Variants in SGMS1 observed in about 807,000 individuals in gnomAD.
The protein encoded by SGMS1 is sphingomyelin synthase 1, also known as phosphatidylcholine:ceramide cholinephosphotransferase 1.
Under a neutral mutation model 46.2 loss-of-function variants are expected in SGMS1, and 13 were observed. The observed-to-expected ratio is 0.28, with a 90% confidence interval of 0.18 to 0.45. The LOEUF (loss-of-function observed/expected upper bound fraction) is 0.45. SGMS1 is among the 20% of genes least tolerant of loss of function. The pLI, the probability that SGMS1 is intolerant of heterozygous loss-of-function variation, is 1.00. For missense variants in SGMS1, 324 were observed against 519.9 expected (o/e 0.62, Z 3.66); for synonymous variants, 203 against 187.8 (o/e 1.08, Z -0.66).
At chr10:50,354,021 T>G (rs1313557287) in intron 6 of SGMS1, among the ~76,000 whole-genome samples, 1 of 151,982 alleles carries the variant, frequency 6.6e-6, no homozygotes, top group African/African-American at 2.4e-5. Flanking sequence ...CTGCCCAAGG[T>G]AATTTATAGA....
chr10:50,587,398 G>T (rs577374992), intron 2 of SGMS1, among the ~76,000 whole-genome samples: 105 of 152,332 alleles, frequency 6.9e-4, no homozygotes, highest in African/African-American at 2.5e-3. Flanking sequence ...ACTTTGGGAG[G>T]CCAAGGCGGG....
intron 3 of SGMS1, among the ~76,000 whole-genome samples, chr10:50,482,174 T>C (rs555303414): frequency 2.6e-5 from 4 of 152,148 alleles, no homozygotes; most frequent in African/African-American, 4.8e-5. Context: ...CAGAGAACAC[T>C]ACTAAGATGT....
At chr10:50,419,295 CA>C (rs1254585316) in intron 6 of SGMS1, among the ~76,000 whole-genome samples, 1 of 152,124 alleles carries the variant, frequency 6.6e-6, no homozygotes, top group Non-Finnish European at 1.5e-5. Flanking sequence ...TCCGAATCTC[CA>C]AAATTGTAAA....
intron 6 of SGMS1, among the ~76,000 whole-genome samples, chr10:50,386,364 T>G (rs1198589630): frequency 2.0e-5 from 3 of 152,190 alleles, no homozygotes; most frequent in African/African-American, 7.2e-5. Flanking sequence ...GACGGTAATT[T>G]ACAAAAGCAT....
intron 2 of SGMS1, among the ~76,000 whole-genome samples, chr10:50,534,944 T>C (rs1402872371): frequency 6.6e-6 from 1 of 152,116 alleles, no homozygotes; most frequent in African/African-American, 2.4e-5. Flanking sequence ...TTAAAAACAA[T>C]AGCTATTGGC....
intron 5 of SGMS1, among the ~76,000 whole-genome samples, chr10:50,456,211 T>A (rs1057080870): frequency 6.6e-6 from 1 of 151,938 alleles, no homozygotes; most frequent in Admixed American, 6.6e-5. Context: ...TCAGCAAAAA[T>A]TTGTGGAAAT....
At chr10:50,622,387 G>GT (rs1167055570) in intron 1 of SGMS1, among the ~76,000 whole-genome samples, 1 of 152,066 alleles carries the variant, frequency 6.6e-6, no homozygotes, top group African/African-American at 2.4e-5. Context: ...GGCCCACTCA[G>GT]TCCCCCCTGA....
chr10:50,503,410 C>T (rs535325619), intron 3 of SGMS1, among the ~76,000 whole-genome samples: 10 of 152,266 alleles, frequency 6.6e-5, no homozygotes, highest in Non-Finnish European at 1.3e-4. Context: ...TCCAGATAGC[C>T]GGTTCCTGCC....
intron 2 of SGMS1, among the ~76,000 whole-genome samples, chr10:50,550,822 C>T (rs1838142274): frequency 1.3e-5 from 2 of 152,188 alleles, no homozygotes; most frequent in South Asian, 4.1e-4. Context: ...CTAAAACATA[C>T]ACACACTGTA....
At chr10:50,580,463 AG>A (rs1489192547) in intron 2 of SGMS1, among the ~76,000 whole-genome samples, 1 of 148,250 alleles carries the variant, frequency 6.7e-6, no homozygotes, top group Non-Finnish European at 1.5e-5. Flanking sequence ...TATAGAGACA[AG>A]GGAATCACCT....
intron 2 of SGMS1, among the ~76,000 whole-genome samples, chr10:50,524,137 T>G (rs113189440): frequency 0.11 from 16,418 of 152,256 alleles, 1,055 homozygotes; most frequent in Middle Eastern, 0.21. Context: ...TGCTTTATTG[T>G]CCTTTTGTAC....
At chr10:50,440,970 G>C (rs1849539453) in intron 5 of SGMS1, among the ~76,000 whole-genome samples, 1 of 152,214 alleles carries the variant, frequency 6.6e-6, no homozygotes, top group African/African-American at 2.4e-5. Context: ...AGAGCACTCT[G>C]AGGCATGTTA....
intron 3 of SGMS1, among the ~76,000 whole-genome samples, chr10:50,473,677 A>C (rs953228181): frequency 6.6e-5 from 10 of 152,240 alleles, no homozygotes; most frequent in African/African-American, 2.2e-4. Context: ...CCAAGAATAA[A>C]CTAATATATT....
intron 2 of SGMS1, among the ~76,000 whole-genome samples, chr10:50,565,906 A>G (rs1430430662): frequency 6.6e-6 from 1 of 152,232 alleles, no homozygotes; most frequent in Admixed American, 6.5e-5. Context: ...GGAGACAGAG[A>G]CAGAGGAGAA....
intron 6 of SGMS1, among the ~76,000 whole-genome samples, chr10:50,354,847 A>G (rs538193317): frequency 0.015 from 2,211 of 152,084 alleles, 65 homozygotes; most frequent in African/African-American, 0.05. Context: ...AAAAGTGCTC[A>G]TCATCACTGA....
intron 2 of SGMS1, among the ~76,000 whole-genome samples, chr10:50,565,241 A>T (rs1260086779): frequency 6.6e-6 from 1 of 152,204 alleles, no homozygotes; most frequent in Admixed American, 6.5e-5. Flanking sequence ...ACAGTGTCTT[A>T]TACCTAGCAG....
chr10:50,515,553 G>A (rs1837793968), intron 3 of SGMS1, among the ~76,000 whole-genome samples: 2 of 152,256 alleles, frequency 1.3e-5, no homozygotes, highest in Admixed American at 1.3e-4. Flanking sequence ...GTGGCAATGA[G>A]ATGTCTTTCC....
chr10:50,316,609 G>A (rs1288754729), intron 8 of SGMS1, among the ~76,000 whole-genome samples: 1 of 152,090 alleles, frequency 6.6e-6, no homozygotes, highest in Non-Finnish European at 1.5e-5. Context: ...TTTTCTCAAA[G>A]TCCCTCTCTC....
chr10:50,351,200 C>T (rs1010416115), intron 6 of SGMS1, among the ~76,000 whole-genome samples: 24 of 152,138 alleles, frequency 1.6e-4, no homozygotes, highest in Admixed American at 1.0e-3. Context: ...GGGTCTGTAA[C>T]CCCTTTGTTT....
Sources: allele counts gnomAD v4.1 joint callset (sites outside exome capture counted in the v4.1 genomes callset), GRCh38; gene constraint gnomAD v4.1.1; transcripts MANE v1.5; gene names NCBI Gene and HGNC (gene_info 2026-07-23, HGNC 2026-07-21).